Variants in MAMDC2 observed in about 807,000 individuals in gnomAD.
MAMDC2 encodes the protein MAM domain containing 2, also known as MAM domain-containing protein 2.
Under a neutral mutation model 89.8 loss-of-function variants are expected in MAMDC2, and 57 were observed. That is an observed-to-expected ratio of 0.63 (90% CI 0.51 to 0.79). The LOEUF (loss-of-function observed/expected upper bound fraction) is 0.79, where lower values mean the gene tolerates loss of function less well. MAMDC2 is among the 30% of genes least tolerant of loss of function. The pLI is 0.00. For synonymous variants in MAMDC2, 313 were observed against 293.4 expected (o/e 1.07, Z -0.68); for missense variants, 800 against 820.6 (o/e 0.97, Z 0.31).
intron 9 of MAMDC2, among the ~76,000 whole-genome samples, chr9:70,154,501 T>C (rs917328217): frequency 3.3e-5 from 5 of 151,534 alleles, no homozygotes; most frequent in African/African-American, 1.2e-4. Context: ...AAGACATTTA[T>C]GGTATGCTGA....
intron 11 of MAMDC2, among the ~76,000 whole-genome samples, chr9:70,210,521 G>A (rs1021163910): frequency 6.6e-6 from 1 of 152,112 alleles, no homozygotes; most frequent in African/African-American, 2.4e-5. Context: ...TTGAGCCTAT[G>A]TGTGTCTTTG....
intron 11 of MAMDC2, among the ~76,000 whole-genome samples, chr9:70,193,703 G>A (rs545169676): frequency 5.3e-5 from 8 of 152,198 alleles, no homozygotes; most frequent in African/African-American, 1.4e-4. Context: ...ACTTGGCTAG[G>A]AGCACAGTAT....
chr9:70,164,014 C>T (rs2032081349), intron 9 of MAMDC2, among the ~76,000 whole-genome samples: 1 of 148,778 alleles, frequency 6.7e-6, no homozygotes, highest in Admixed American at 6.7e-5. Flanking sequence ...CTGCACATAA[C>T]AGGAATTTAG....
At chr9:70,174,765 C>T (rs1227538987) in intron 11 of MAMDC2, among the ~76,000 whole-genome samples, 1 of 149,988 alleles carries the variant, frequency 6.7e-6, no homozygotes, top group Non-Finnish European at 1.5e-5. Flanking sequence ...TGCTGTGTCG[C>T]CCAGGCTGGA....
chr9:70,064,408 T>A (rs144493996), intron 2 of MAMDC2, among the ~76,000 whole-genome samples: 3 of 152,310 alleles, frequency 2.0e-5, no homozygotes, highest in African/African-American at 7.2e-5. Flanking sequence ...GAATATACAA[T>A]GTTCAGTTTT....
intron 11 of MAMDC2, among the ~76,000 whole-genome samples, chr9:70,196,218 G>C (rs1375973656): frequency 6.6e-6 from 1 of 152,050 alleles, no homozygotes; most frequent in South Asian, 2.1e-4. Flanking sequence ...TTTGGCACAT[G>C]GGGATTATTA....
At chr9:70,128,791 G>A (rs1479180445) in intron 6 of MAMDC2, among the ~76,000 whole-genome samples, 1 of 152,058 alleles carries the variant, frequency 6.6e-6, no homozygotes, top group Non-Finnish European at 1.5e-5. Context: ...CAAGTAGTTG[G>A]GACTACAGGC....
At chr9:70,049,695 G>A (rs1826846495) in intron 2 of MAMDC2, among the ~76,000 whole-genome samples, 1 of 152,190 alleles carries the variant, frequency 6.6e-6, no homozygotes, top group Non-Finnish European at 1.5e-5. Flanking sequence ...AGTCAGGGAT[G>A]TTCCTTGACA....
At chr9:70,187,593 A>C (rs1018269410) in intron 11 of MAMDC2, among the ~76,000 whole-genome samples, 5 of 152,090 alleles carry the variant, frequency 3.3e-5, no homozygotes, top group Admixed American at 6.6e-5. Flanking sequence ...CTCCATACCC[A>C]TTAGTAGTCA....
intron 2 of MAMDC2, among the ~76,000 whole-genome samples, chr9:70,099,309 C>A (rs1380710685): frequency 6.6e-6 from 1 of 152,170 alleles, no homozygotes; most frequent in Non-Finnish European, 1.5e-5. Flanking sequence ...TTGAGAACCC[C>A]ATACCCATTG....
intron 2 of MAMDC2, among the ~76,000 whole-genome samples, chr9:70,073,169 T>A (rs900114496): frequency 6.6e-6 from 1 of 152,224 alleles, no homozygotes; most frequent in Non-Finnish European, 1.5e-5. Context: ...GAGATTTGTG[T>A]AAGGAAATGA....
intron 2 of MAMDC2, chr9:70,090,938 T>A (rs1341914464): frequency 2.0e-5 from 3 of 151,874 alleles, no homozygotes; most frequent in Non-Finnish European, 2.9e-5. Context: ...TGAGGAAGCT[T>A]TAGATAGAGA....
chr9:70,196,119 G>T (rs565113463), intron 11 of MAMDC2, among the ~76,000 whole-genome samples: 68 of 152,186 alleles, frequency 4.5e-4, no homozygotes, highest in Admixed American at 1.2e-3. Context: ...TTTATTAAAT[G>T]AGCAGATCTC....
chr9:70,204,485 T>C (rs2033174712), intron 11 of MAMDC2, among the ~76,000 whole-genome samples: 1 of 149,432 alleles, frequency 6.7e-6, no homozygotes, highest in Admixed American at 6.6e-5. Context: ...CATTTAAGTC[T>C]GCAGAGGTTA....
chr9:70,125,032 A>C (rs1298031309), intron 5 of MAMDC2, among the ~76,000 whole-genome samples: 1 of 152,246 alleles, frequency 6.6e-6, no homozygotes, highest in Non-Finnish European at 1.5e-5. Flanking sequence ...TTAACCAGAA[A>C]TTATGTCATG....
chr9:70,112,032 C>T (rs751829127), intron 4 of MAMDC2, among the ~76,000 whole-genome samples: 11 of 152,184 alleles, frequency 7.2e-5, no homozygotes, highest in Non-Finnish European at 1.6e-4. Flanking sequence ...TTTCATTCTC[C>T]TTCCACCCTC....
intron 2 of MAMDC2, among the ~76,000 whole-genome samples, chr9:70,084,240 T>G (rs1827717710): frequency 6.6e-6 from 1 of 152,100 alleles, no homozygotes; most frequent in African/African-American, 2.4e-5. Context: ...ACTTCCTATT[T>G]AGCTACCTCC....
chr9:70,180,793 T>C (rs2032629769), intron 11 of MAMDC2, among the ~76,000 whole-genome samples: 1 of 152,244 alleles, frequency 6.6e-6, no homozygotes, highest in Non-Finnish European at 1.5e-5. Flanking sequence ...GCAAAACTTT[T>C]CTCCTATTCT....
rs773420406 is a variant in MAMDC2 at position 70,140,255 on chromosome 9, A to G, written c.1105A>G (p.Met369Val). Residue 369 changes from methionine (M) to valine (V), a missense_variant, in exon 8 of 14, where the codon ATG (methionine) becomes GTG (valine). Transcript: ENST00000377182. The part of the protein sequence containing the change: ...GWTRVKVKPN[M>V]YRAGDHTTGL... ...GACCCGAGTGAAAGTAAAACCAAACATGTATCGGGCTGGAGACCACACTAC... is the reference window on the plus strand; with the variant it reads ...GACCCGAGTGAAAGTAAAACCAAACGTGTATCGGGCTGGAGACCACACTAC... 4 of 1,602,474 alleles carry G rather than the reference A, an allele frequency of 2.5e-6. No individual in the cohort carries two copies. Among genetic ancestry groups the G allele is most frequent in the Non-Finnish European group, 3.4e-6 (4 of 1,175,960 alleles).
Sources: allele counts gnomAD v4.1 joint callset (sites outside exome capture counted in the v4.1 genomes callset), GRCh38; gene constraint gnomAD v4.1.1; transcripts MANE v1.5; gene names NCBI Gene and HGNC (gene_info 2026-07-23, HGNC 2026-07-21).